Variants in UVRAG observed in about 807,000 individuals in gnomAD.
UVRAG encodes UV radiation resistance-associated gene protein.
In UVRAG, 19 loss-of-function variants were observed where a neutral mutation model predicts 78.0. The observed-to-expected ratio is 0.24, with a 90% CI of 0.17 to 0.36. The LOEUF is 0.36. UVRAG is among the 10% of genes least tolerant of loss of function. The pLI is 1.00. For missense variants in UVRAG, 740 were observed against 853.8 expected, an observed-to-expected ratio of 0.87 and a Z score of 1.66; for synonymous variants, 323 against 324.6, an observed-to-expected ratio of 1.00 and a Z score of 0.05.
In UVRAG at chr11:76,049,067, C is replaced by T. The variant is rs143331295; in HGVS notation, c.1227-16643C>T. 4.4e-3 allele frequency among the ~76,000 whole-genome samples: 669 copies of T among 152,356 alleles called. 5 individuals are homozygous for T. The highest frequency in any genetic ancestry group is 0.016 in the African/African-American group (645 of 41,580). On this transcript the variant is annotated intron_variant, in intron 12 of 14. Coordinates refer to ENST00000356136, the MANE Select transcript of UVRAG (RefSeq NM_003369.4). The stretch of plus-strand genomic sequence containing the variant: ...ATAGAGAAGCTCCCCACCTGGCTCT[C>T]AGCCGCTATTGTTTGTGTAGTGTAT...
chr11:76,120,672 G>A (rs753882910), intron 14 of UVRAG, among the ~76,000 whole-genome samples: 5 of 152,166 alleles, frequency 3.3e-5, no homozygotes, highest in African/African-American at 9.7e-5. Context: ...GTACTGTAAC[G>A]TAAAATAGGC....
chr11:76,049,418 G>A (rs575157515), intron 12 of UVRAG, among the ~76,000 whole-genome samples: 35 of 152,274 alleles, frequency 2.3e-4, no homozygotes, highest in African/African-American at 7.9e-4. Context: ...AGATTTGATG[G>A]TTTTCAGAGT....
chr11:75,824,157 C>T (rs182942482), intron 1 of UVRAG, among the ~76,000 whole-genome samples: 2 of 152,262 alleles, frequency 1.3e-5, no homozygotes, highest in East Asian at 3.9e-4. Flanking sequence ...TTCATTCCTT[C>T]TGCAAATATT....
At chr11:75,996,262 T>A (rs539813267) in intron 8 of UVRAG, among the ~76,000 whole-genome samples, 1 of 152,194 alleles carries the variant, frequency 6.6e-6, no homozygotes, top group South Asian at 2.1e-4. Context: ...AAAAAATACA[T>A]TTACATTTAG....
At chr11:76,060,706 G>T (rs1034135050) in intron 12 of UVRAG, among the ~76,000 whole-genome samples, 5 of 152,176 alleles carry the variant, frequency 3.3e-5, no homozygotes, top group African/African-American at 4.8e-5. Flanking sequence ...CTTAGCACCC[G>T]GGCCAGTGGC....
At chr11:76,022,636 T>C (rs566280185) in intron 12 of UVRAG, among the ~76,000 whole-genome samples, 1 of 152,330 alleles carries the variant, frequency 6.6e-6, no homozygotes, top group Admixed American at 6.5e-5. Context: ...GTCTTTCCCA[T>C]CTTTTCACTT....
intron 5 of UVRAG, among the ~76,000 whole-genome samples, chr11:75,897,871 ATT>A (rs146122619): frequency 6.4e-5 from 7 of 108,876 alleles, no homozygotes; most frequent in Admixed American, 1.1e-4. Flanking sequence ...TAGCTCTTTA[ATT>A]TTTTTTTTTT....
intron 12 of UVRAG, among the ~76,000 whole-genome samples, chr11:76,056,608 C>T (rs1950989864): frequency 6.6e-6 from 1 of 152,156 alleles, no homozygotes; most frequent in East Asian, 1.9e-4. Flanking sequence ...AAGTTCCTCA[C>T]ATTTTGAATT....
rs541604207 is a variant in UVRAG, at chr11:75,818,492, T to C, written c.117+2968T>C. 1.0e-3 allele frequency among the ~76,000 whole-genome samples: 156 copies of C among 152,052 alleles called. 1 individual carries two copies. The highest frequency in any genetic ancestry group is 1.3e-3 in the Non-Finnish European group (85 of 67,968). ...TTGGCAAGGTATCAATTTTTTTTTT[T>C]TTTTGAGATGGAGTCTAGCTCTGTT... is the stretch of plus-strand genomic sequence containing the variant. On this transcript the variant is annotated intron_variant, in intron 1 of 14. Transcript: ENST00000356136.
intron 13 of UVRAG, among the ~76,000 whole-genome samples, chr11:76,105,785 GA>G (rs2134451313): frequency 6.6e-6 from 1 of 152,166 alleles, no homozygotes; most frequent in Non-Finnish European, 1.5e-5. Flanking sequence ...AAACTTCATT[GA>G]GACACTACTA....
chr11:75,878,164 G>T (rs1329440559), intron 3 of UVRAG, among the ~76,000 whole-genome samples: 2 of 150,008 alleles, frequency 1.3e-5, no homozygotes, highest in Admixed American at 6.6e-5. Flanking sequence ...GGGCAGAGAC[G>T]CTCCTCACCT....
intron 6 of UVRAG, among the ~76,000 whole-genome samples, chr11:75,920,007 G>GTT (rs1947940041): frequency 4.1e-5 from 3 of 72,726 alleles, no homozygotes; most frequent in East Asian, 9.5e-4. Flanking sequence ...AAATAATTTT[G>GTT]GTTTTTTTTT....
rs1274277171 is a variant in UVRAG at position 76,140,745 on chromosome 11, C to T, written c.1432C>T (p.Pro478Ser). The change falls in exon 15 of 15, where the codon CCT (proline) becomes TCT (serine). Residue 478 changes from proline (P) to serine (S), a missense_variant. Coordinates refer to ENST00000356136, the MANE Select transcript of UVRAG (RefSeq NM_003369.4). ...RHHTSSAIPV[P>S]KRQSSIFGGA... ...TCACACCTCCAGTGCAATCCCTGTT[C>T]CTAAGAGACAAAGCTCCATATTTGG... 3 of 1,606,692 alleles carry T rather than the reference C, an allele frequency of 1.9e-6. No homozygotes were observed. The highest frequency in any genetic ancestry group is 1.1e-5 in the South Asian group (1 of 89,572).
At chr11:75,834,964 A>G (rs1459488811) in intron 1 of UVRAG, among the ~76,000 whole-genome samples, 6 of 152,172 alleles carry the variant, frequency 3.9e-5, no homozygotes, top group African/African-American at 1.2e-4. Flanking sequence ...GTGAGCCACC[A>G]TGCCCGACCT....
At chr11:75,864,612 G>A (rs1361804177) in intron 3 of UVRAG, among the ~76,000 whole-genome samples, 2 of 152,212 alleles carry the variant, frequency 1.3e-5, no homozygotes, top group African/African-American at 4.8e-5. Context: ...TGAATAGTTA[G>A]TCGTTTAAAT....
chr11:75,978,008 C>T (rs572014724), intron 7 of UVRAG, among the ~76,000 whole-genome samples: 11 of 152,194 alleles, frequency 7.2e-5, no homozygotes, highest in African/African-American at 2.4e-4. Context: ...TGGCTGGTAC[C>T]GGTTGTTCTT....
At chr11:76,024,237 T>G (rs1950292177) in intron 12 of UVRAG, among the ~76,000 whole-genome samples, 1 of 152,152 alleles carries the variant, frequency 6.6e-6, no homozygotes, top group Non-Finnish European at 1.5e-5. Context: ...GTTGCACACT[T>G]TAATTTGTGA....
intron 6 of UVRAG, among the ~76,000 whole-genome samples, chr11:75,935,451 A>G (rs1265210965): frequency 1.3e-5 from 2 of 152,098 alleles, no homozygotes; most frequent in Non-Finnish European, 2.9e-5. Context: ...GTCAGCTAGG[A>G]AAAAAGGCAA....
At chr11:76,101,530 G>C (rs900405438) in intron 13 of UVRAG, among the ~76,000 whole-genome samples, 6 of 151,442 alleles carry the variant, frequency 4.0e-5, no homozygotes, top group Non-Finnish European at 8.8e-5. Context: ...TCTGTAGGTT[G>C]TCTGTTTACT....
Sources: allele counts gnomAD v4.1 joint callset (sites outside exome capture counted in the v4.1 genomes callset), GRCh38; gene constraint gnomAD v4.1.1; transcripts MANE v1.5; gene names NCBI Gene and HGNC (gene_info 2026-07-23, HGNC 2026-07-21).